NDFIP2: variants seen among roughly 807,000 people sequenced by gnomAD.
NDFIP2 encodes the protein Nedd4 family interacting protein 2.
NDFIP2 carries 19 observed loss-of-function variants against 36.0 expected under a neutral mutation model. The ratio of observed to expected loss-of-function variants is 0.53; its 90% CI spans 0.37 to 0.77. The LOEUF (loss-of-function observed/expected upper bound fraction) is 0.77, where lower values mean the gene tolerates loss of function less well. Ranked by LOEUF, NDFIP2 falls within the 30% of genes least tolerant of loss-of-function variation. NDFIP2 has a pLI of 0.00. For missense variants in NDFIP2, 446 were observed against 435.8 expected (o/e 1.02, Z -0.21); for synonymous variants, 181 against 167.7 (o/e 1.08, Z -0.61).
At chr13:79,530,138 G>C (rs966475295) in intron 2 of NDFIP2, among the ~76,000 whole-genome samples, 37 of 152,080 alleles carry the variant, frequency 2.4e-4, no homozygotes, top group Admixed American at 2.4e-3. Flanking sequence ...TATTGGGGTG[G>C]CTATGGCAAT....
At chr13:79,531,609 A>G (rs1875018945) in intron 2 of NDFIP2, among the ~76,000 whole-genome samples, 1 of 152,220 alleles carries the variant, frequency 6.6e-6, no homozygotes, top group African/African-American at 2.4e-5. Flanking sequence ...TTCATGTTGC[A>G]CTTTTATGAA....
chr13:79,504,348 TATAAGTA>T (rs1278718361), intron 1 of NDFIP2, among the ~76,000 whole-genome samples: 1 of 152,188 alleles, frequency 6.6e-6, no homozygotes, highest in Non-Finnish European at 1.5e-5. Context: ...TGTATTTGTA[TATAAGTA>T]CATTTTTTCT....
chr13:79,553,364 A>G lies in NDFIP2; in HGVS notation c.*851A>G, dbSNP rs1291345401. 1 of 151,354 alleles carries G rather than the reference A, an allele frequency of 6.6e-6. No individual in the cohort carries two copies. Among genetic ancestry groups the G allele is most frequent in the Admixed American group, 6.6e-5 (1 of 15,184 alleles). The allele number at this position is 151,354 out of a possible 1,614,324, so 9.4% of individuals were successfully genotyped here. ...TAGTTTTAGGGATTTTCAGATGGGA[A>G]GCTGCATTTTTAGGATTGCCCATCT... On this transcript the variant is annotated 3_prime_UTR_variant, in exon 8 of 8. Coordinates refer to ENST00000218652, the MANE Select transcript of NDFIP2 (RefSeq NM_019080.3).
chr13:79,555,064 C>T lies in NDFIP2; in HGVS notation c.*2551C>T, dbSNP rs1305498462. 1 of 151,376 alleles carries T rather than the reference C, an allele frequency of 6.6e-6. No individual in the cohort carries two copies. Among genetic ancestry groups the T allele is most frequent in the Non-Finnish European group, 1.5e-5 (1 of 67,750 alleles). The allele number at this position is 151,376 out of a possible 1,614,324, so 9.4% of individuals were successfully genotyped here. A position where few individuals can be genotyped will look rare whatever the true frequency, so the allele number is the denominator to read the frequency against. ...TAATGGAAAAAATACTAATCTTTAG[C>T]CTATTTTGAGTCTATAAGATATATT... On this transcript the variant is annotated 3_prime_UTR_variant, in exon 8 of 8. Coordinates refer to ENST00000218652, the MANE Select transcript of NDFIP2 (RefSeq NM_019080.3).
chr13:79,532,030 G>C (rs1460582558), intron 2 of NDFIP2, among the ~76,000 whole-genome samples: 3 of 152,182 alleles, frequency 2.0e-5, no homozygotes, highest in African/African-American at 7.2e-5. Context: ...CACGTACAGT[G>C]TTTATCAATT....
intron 3 of NDFIP2, among the ~76,000 whole-genome samples, chr13:79,534,795 G>A (rs1246908360): frequency 1.3e-5 from 2 of 152,146 alleles, no homozygotes; most frequent in Non-Finnish European, 2.9e-5. Flanking sequence ...TGAGGTCAGA[G>A]CCCAGCAAGC....
intron 1 of NDFIP2, among the ~76,000 whole-genome samples, chr13:79,517,683 C>A (rs1874405736): frequency 6.6e-6 from 1 of 152,110 alleles, no homozygotes; most frequent in Non-Finnish European, 1.5e-5. Flanking sequence ...TTAGCTAGGG[C>A]AGTTGAAATA....
chr13:79,543,464 C>A lies in NDFIP2; in HGVS notation c.716-94C>A. 2.0e-6 allele frequency: 3 copies of A among 1,463,898 alleles called. No homozygotes were observed. In the East Asian group the frequency reaches 6.9e-5, roughly 34 times the overall value. 90.7% of individuals were successfully genotyped at this position (1,463,898 alleles called of 1,614,324 possible). ...GGCAGAGTTAAAAGAAAGGGAGCTG[C>A]TGTTTCCATTGAGCCATGAAATATT... On this transcript the variant is annotated intron_variant, in intron 4 of 7. Transcript: ENST00000218652.
chr13:79,522,455 T>TA (rs544652267), intron 2 of NDFIP2, among the ~76,000 whole-genome samples: 3 of 152,194 alleles, frequency 2.0e-5, no homozygotes, highest in Non-Finnish European at 4.4e-5. Flanking sequence ...GCAATTGTGA[T>TA]ACCATTGCTA....
At chr13:79,483,149 A>C (rs2079825507) in intron 1 of NDFIP2, among the ~76,000 whole-genome samples, 1 of 152,060 alleles carries the variant, frequency 6.6e-6, no homozygotes, top group Non-Finnish European at 1.5e-5. Context: ...TCCTACATAG[A>C]CTTTGAATGT....
At chr13:79,545,744 T>G (rs1055917594) in intron 5 of NDFIP2, among the ~76,000 whole-genome samples, 1 of 151,860 alleles carries the variant, frequency 6.6e-6, no homozygotes, top group Non-Finnish European at 1.5e-5. Context: ...CCCACAGTTG[T>G]TTTTTTTGTG....
At chr13:79,505,989 G>A (rs543627454) in intron 1 of NDFIP2, among the ~76,000 whole-genome samples, 1 of 152,222 alleles carries the variant, frequency 6.6e-6, no homozygotes, top group South Asian at 2.1e-4. Context: ...AGAGGTTTTT[G>A]AATGGTTGTA....
intron 1 of NDFIP2, among the ~76,000 whole-genome samples, chr13:79,505,920 A>G (rs1373759369): frequency 3.3e-5 from 5 of 152,328 alleles, no homozygotes; most frequent in South Asian, 2.1e-4. Flanking sequence ...ATTGATGGCA[A>G]CCAACATCAT....
At chr13:79,532,109 C>T (rs1348854552) in intron 2 of NDFIP2, among the ~76,000 whole-genome samples, 1 of 152,134 alleles carries the variant, frequency 6.6e-6, no homozygotes, top group Non-Finnish European at 1.5e-5. Flanking sequence ...CATCAAAGAT[C>T]GCTAATCACA....
intron 1 of NDFIP2, among the ~76,000 whole-genome samples, chr13:79,507,854 TA>T (rs2140751778): frequency 6.6e-6 from 1 of 151,970 alleles, no homozygotes; most frequent in East Asian, 1.9e-4. Flanking sequence ...AGAAATGAAA[TA>T]AAGTTTTACA....
chr13:79,481,543 GTGCCTCCCGGGAC>G lies in NDFIP2; in HGVS notation c.321+29_321+41del, dbSNP rs1278922671. ...CCAGGTGGTGAGTTCCCGGCCTCCT[GTGCCTCCCGGGAC>G]TGCCTCCCGCCGCGGCGTCCCGAGA... On this transcript the variant is annotated intron_variant, in intron 1 of 7. Coordinates refer to ENST00000218652, the MANE Select transcript of NDFIP2 (RefSeq NM_019080.3). The G allele has an allele frequency of 6.5e-7, 1 of 1,540,260 alleles. No individual in the cohort carries two copies. The highest frequency in any genetic ancestry group is 8.7e-7 in the Non-Finnish European group (1 of 1,143,666).
intron 4 of NDFIP2, among the ~76,000 whole-genome samples, chr13:79,542,770 A>G (rs1240427334): frequency 6.6e-6 from 1 of 152,156 alleles, no homozygotes; most frequent in East Asian, 1.9e-4. Context: ...ATGACATTAC[A>G]TAGCATAAGT....
At chr13:79,505,538 G>C (rs1873829083) in intron 1 of NDFIP2, among the ~76,000 whole-genome samples, 2 of 151,854 alleles carry the variant, frequency 1.3e-5, no homozygotes. Context: ...GCTGAGGCGG[G>C]AGGATTGCTT....
intron 2 of NDFIP2, among the ~76,000 whole-genome samples, chr13:79,529,211 T>C (rs11840014): frequency 0.018 from 2,727 of 152,294 alleles, 85 homozygotes; most frequent in African/African-American, 0.062. Context: ...TGCCAGACTT[T>C]AAATCCTCTG....
Sources: allele counts gnomAD v4.1 joint callset (sites outside exome capture counted in the v4.1 genomes callset), GRCh38; gene constraint gnomAD v4.1.1; transcripts MANE v1.5; gene names NCBI Gene and HGNC (gene_info 2026-07-23, HGNC 2026-07-21).